Variants in SLC38A8 observed in about 807,000 individuals in gnomAD.
The protein encoded by SLC38A8 is amino acid transporter SLC38A8.
A neutral mutation model predicts 46.0 loss-of-function variants in SLC38A8; 65 were observed. The observed-to-expected ratio is 1.41, with a 90% CI of 1.16 to 1.74. The LOEUF is 1.74. Among genes scored for constraint, SLC38A8 ranks in the 40% most tolerant of loss-of-function variants. SLC38A8 has a pLI of 0.00. For missense variants in SLC38A8, 998 were observed against 567.9 expected (o/e 1.76, Z -7.70); for synonymous variants, 447 against 243.7 (o/e 1.83, Z -7.77).
At chr16:84,029,880 G>T (rs917699905) in intron 5 of SLC38A8, among the ~76,000 whole-genome samples, 3 of 152,144 alleles carry the variant, frequency 2.0e-5, no homozygotes, top group African/African-American at 7.2e-5. Context: ...ATTGGCAGGG[G>T]CGGGGGCACC....
rs141333426 is a variant in SLC38A8 at position 84,035,687 on chromosome 16, G to C, written c.388+1015C>G. On this transcript the variant is annotated intron_variant, in intron 3 of 10. Coordinates refer to ENST00000299709, the MANE Select transcript of SLC38A8 (RefSeq NM_001080442.3). ...ACTTCTATACAAACACTAGTCTTAAGGATGCTAGAGTGCCTCTATTAATGG... is the reference window on the plus strand; with the variant it reads ...ACTTCTATACAAACACTAGTCTTAACGATGCTAGAGTGCCTCTATTAATGG... Among the ~76,000 whole-genome samples, 939 of 152,072 alleles carry C rather than the reference G, an allele frequency of 6.2e-3. 5 individuals carry two copies. Among genetic ancestry groups the C allele is most frequent in the Non-Finnish European group, 8.7e-3 (592 of 68,024 alleles).
In SLC38A8 at chr16:84,012,727, G is replaced by C. The variant is rs561947625; in HGVS notation, c.1214+274C>G. Among the ~76,000 whole-genome samples, 10 of 152,348 alleles carry C rather than the reference G, an allele frequency of 6.6e-5. No individual in the cohort carries two copies. The South Asian group carries it at 2.1e-3, about 32-fold the overall frequency. On this transcript the variant is annotated intron_variant, in intron 10 of 10. Transcript: ENST00000299709. ...AAGGAGGGTACAGATGCACCACTGG[G>C]TGCTTCCAGAGGCTGGAATCTACAT...
intron 9 of SLC38A8, among the ~76,000 whole-genome samples, chr16:84,014,089 G>A (rs933491270): frequency 6.6e-6 from 1 of 152,052 alleles, no homozygotes; most frequent in Non-Finnish European, 1.5e-5. Flanking sequence ...AGAGCTGAGG[G>A]AGGAGATGCA....
intron 2 of SLC38A8, among the ~76,000 whole-genome samples, chr16:84,038,354 T>TA (rs2085326185): frequency 1.3e-5 from 2 of 151,834 alleles, no homozygotes; most frequent in African/African-American, 4.8e-5. Context: ...GCAAGAACGT[T>TA]ACAGTGAACA....
chr16:84,042,329 C>A (rs934566419), intron 1 of SLC38A8, among the ~76,000 whole-genome samples, 170 bp from the exon 2 acceptor site: 1 of 152,158 alleles, frequency 6.6e-6, no homozygotes, highest in African/African-American at 2.4e-5. Context: ...CATCTGCCCA[C>A]GACTTCTAGT....
chr16:84,024,999 A>G (rs1419029274), intron 6 of SLC38A8, among the ~76,000 whole-genome samples: 1 of 152,112 alleles, frequency 6.6e-6, no homozygotes, highest in Non-Finnish European at 1.5e-5. Context: ...TTTTTAACGC[A>G]AAACATACAC....
intron 9 of SLC38A8, among the ~76,000 whole-genome samples, chr16:84,013,603 G>C (rs952797092): frequency 6.6e-6 from 1 of 151,378 alleles, no homozygotes; most frequent in African/African-American, 2.4e-5. Context: ...GCTCATTTTT[G>C]TATTTTTAGT....
Position 84,016,521 on chromosome 16 carries a change from G to C in SLC38A8, c.1160C>G (p.Pro387Arg). 1.2e-6 allele frequency: 2 copies of C among 1,613,672 alleles called. No homozygotes were observed. Among genetic ancestry groups the C allele is most frequent in the South Asian group, 1.1e-5 (1 of 91,074 alleles). ...AGCCTGGAAAGCAGGGGCCTCACCT[G>C]GGAAGATGAAGATGAAGAAGGAACT... ...GISSFFIFIFPGLCLICAMGV... is the reference protein window; with the variant it reads ...GISSFFIFIFRGLCLICAMGV... Residue 387 changes from proline (P) to arginine (R), a missense_variant and splice_region_variant, in exon 9 of 11, where the codon CCA becomes CGA. Transcript: ENST00000299709.
At chr16:84,018,997 T>C (rs2175246) in intron 7 of SLC38A8, among the ~76,000 whole-genome samples, 99,223 of 151,898 alleles carry the variant, frequency 0.65, 33,410 homozygotes, top group African/African-American at 0.81. Context: ...GGAGGTGGCC[T>C]CTCCCAGAGG....
At chr16:84,028,770 G>A (rs916456627) in intron 6 of SLC38A8, among the ~76,000 whole-genome samples, 1 of 140,600 alleles carries the variant, frequency 7.1e-6, no homozygotes, top group African/African-American at 2.6e-5. Flanking sequence ...CCTGGGGCCC[G>A]CTCACATCGG....
upstream of SLC38A8, among the ~76,000 whole-genome samples, chr16:84,042,850 C>T (rs2085383086): frequency 6.7e-6 from 1 of 149,466 alleles, no homozygotes; most frequent in Admixed American, 6.6e-5. Flanking sequence ...CGCCTCTCCC[C>T]AGCCCCCTGC....
At chr16:84,013,286 G>A (rs928176115) in intron 9 of SLC38A8, among the ~76,000 whole-genome samples, 10 of 152,120 alleles carry the variant, frequency 6.6e-5, no homozygotes, top group African/African-American at 2.4e-4. Context: ...CGACTTCCCA[G>A]AGCCCCATCT....
chr16:84,033,273 GAC>G, intron 4 of SLC38A8, 53 bp downstream of exon 4: 1 of 1,611,842 alleles, frequency 6.2e-7, no homozygotes. Context: ...CAGAAACCCT[GAC>G]ACAAACACTC....
intron 3 of SLC38A8, 137 bp downstream of exon 3, chr16:84,036,565 G>T: frequency 1.0e-6 from 1 of 971,394 alleles, no homozygotes; most frequent in Non-Finnish European, 1.5e-6. Context: ...ACCATGTTAG[G>T]AACAAGAGTG....
intron 3 of SLC38A8, among the ~76,000 whole-genome samples, chr16:84,034,129 G>A (rs934939706): frequency 6.6e-6 from 1 of 152,214 alleles, no homozygotes; most frequent in African/African-American, 2.4e-5. Context: ...GGCCTTCCCT[G>A]CAGTCTGGGA....
chr16:84,027,323 C>T (rs1014764341), intron 6 of SLC38A8, among the ~76,000 whole-genome samples: 1 of 140,476 alleles, frequency 7.1e-6, no homozygotes, highest in Non-Finnish European at 1.5e-5. Context: ...GCACTCCAGC[C>T]TGGGCGACAG....
intron 10 of SLC38A8, among the ~76,000 whole-genome samples, chr16:84,010,458 G>A (rs1487311131): frequency 6.6e-6 from 1 of 151,998 alleles, no homozygotes; most frequent in African/African-American, 2.4e-5. Context: ...AAAGACATGG[G>A]GGCCAGGCAT....
intron 7 of SLC38A8, among the ~76,000 whole-genome samples, chr16:84,018,272 G>A (rs12598583): frequency 0.32 from 41,533 of 128,928 alleles, 6,831 homozygotes; most frequent in Non-Finnish European, 0.37. Flanking sequence ...TCTCTCTGTC[G>A]CCCAGGCTGG....
intron 3 of SLC38A8, among the ~76,000 whole-genome samples, chr16:84,034,601 T>C (rs2085281133): frequency 6.6e-6 from 1 of 152,214 alleles, no homozygotes; most frequent in Non-Finnish European, 1.5e-5. Context: ...TCTTAAGTGC[T>C]TCTTTGTTCT....
Sources: allele counts gnomAD v4.1 joint callset (sites outside exome capture counted in the v4.1 genomes callset), GRCh38; gene constraint gnomAD v4.1.1; transcripts MANE v1.5; gene names NCBI Gene and HGNC (gene_info 2026-07-23, HGNC 2026-07-21).